The following PTPRG variants were observed in gnomAD, a reference collection of about 807,000 sequenced individuals.
PTPRG encodes the protein protein tyrosine phosphatase receptor type G.
In PTPRG, 102 loss-of-function variants were observed where a neutral mutation model predicts 165.3. That is an observed-to-expected ratio of 0.62 (90% CI 0.53 to 0.73). The LOEUF is 0.73. Ranked by LOEUF, PTPRG falls within the 30% of genes least tolerant of loss-of-function variation. PTPRG has a pLI of 0.00. For synonymous variants in PTPRG, 675 were observed against 669.5 expected (o/e 1.01, Z -0.13); for missense variants, 1,866 against 1,861.4 (o/e 1.00, Z -0.05).
chr3:61,965,681 A>G (rs927005233), intron 2 of PTPRG, among the ~76,000 whole-genome samples: 1 of 152,250 alleles, frequency 6.6e-6, no homozygotes, highest in Non-Finnish European at 1.5e-5. Flanking sequence ...TTGGGCAATA[A>G]TAATGGCTAA....
At chr3:61,923,918 C>T (rs140260206) in intron 2 of PTPRG, among the ~76,000 whole-genome samples, 10 of 152,040 alleles carry the variant, frequency 6.6e-5, no homozygotes, top group South Asian at 2.1e-4. Flanking sequence ...ATCAAGTAAA[C>T]GATTCATCTT....
At chr3:62,063,493 GTTAATA>G (rs559911179) in intron 4 of PTPRG, among the ~76,000 whole-genome samples, 24 of 152,310 alleles carry the variant, frequency 1.6e-4, no homozygotes, top group Admixed American at 9.8e-4. Flanking sequence ...GTCTGAGAGA[GTTAATA>G]TTAATACTTT....
chr3:61,586,957 C>T (rs758894272), intron 1 of PTPRG, among the ~76,000 whole-genome samples: 13 of 151,886 alleles, frequency 8.6e-5, no homozygotes, highest in Non-Finnish European at 1.8e-4. Flanking sequence ...AGGTGTGACT[C>T]ACCTGGTGGA....
intron 2 of PTPRG, among the ~76,000 whole-genome samples, chr3:61,933,808 C>T (rs2039419638): frequency 6.6e-6 from 1 of 152,200 alleles, no homozygotes. Flanking sequence ...GCCTTGTCTC[C>T]TCAATGATAC....
intron 6 of PTPRG, among the ~76,000 whole-genome samples, chr3:62,146,825 C>G (rs553303935): frequency 6.6e-6 from 1 of 152,282 alleles, no homozygotes; most frequent in African/African-American, 2.4e-5. Context: ...ACCAACAGAA[C>G]TTCATTTACA....
At chr3:61,833,067 T>TTGTGTGTGTGTGTGTGTGTGTGTG (rs113069211) in intron 2 of PTPRG, among the ~76,000 whole-genome samples, 3 of 146,792 alleles carry the variant, frequency 2.0e-5, no homozygotes, top group Admixed American at 6.7e-5. Flanking sequence ...TAGTATTCCA[T>TTGTGTGTGTGTGTGTGTGTGTGTG]TGTGTGTGTG....
chr3:61,672,339 A>G (rs1345137075), intron 1 of PTPRG, among the ~76,000 whole-genome samples: 1 of 144,256 alleles, frequency 6.9e-6, no homozygotes, highest in East Asian at 2.1e-4. Context: ...AGAGGCTGCA[A>G]TCTCGGCACT....
intron 2 of PTPRG, among the ~76,000 whole-genome samples, chr3:61,755,082 A>C (rs999523667): frequency 7.3e-5 from 11 of 151,152 alleles, no homozygotes; most frequent in Admixed American, 4.6e-4. Flanking sequence ...ATCTCAGCTC[A>C]CTGCAACCTC....
At chr3:61,851,804 C>T (rs771607006) in intron 2 of PTPRG, among the ~76,000 whole-genome samples, 7 of 152,122 alleles carry the variant, frequency 4.6e-5, no homozygotes, top group African/African-American at 1.4e-4. Context: ...TCAGTTTCTT[C>T]TCTTTGCCTT....
chr3:61,730,989 C>A (rs572048408), intron 1 of PTPRG, among the ~76,000 whole-genome samples: 1 of 152,316 alleles, frequency 6.6e-6, no homozygotes, highest in African/African-American at 2.4e-5. Flanking sequence ...CTGTGGGCCC[C>A]TTTAACTCAG....
chr3:61,665,046 A>G (rs1390561909), intron 1 of PTPRG, among the ~76,000 whole-genome samples: 1 of 152,096 alleles, frequency 6.6e-6, no homozygotes, highest in Non-Finnish European at 1.5e-5. Flanking sequence ...AGGAACCCTC[A>G]CAAGAGGATC....
intron 4 of PTPRG, among the ~76,000 whole-genome samples, chr3:62,022,566 G>A: frequency 6.6e-6 from 1 of 152,176 alleles, no homozygotes; most frequent in East Asian, 1.9e-4. Flanking sequence ...AGGGAACTGG[G>A]ATTTGAATAG....
intron 2 of PTPRG, among the ~76,000 whole-genome samples, chr3:61,958,191 A>G (rs1175424564): frequency 1.3e-5 from 2 of 151,582 alleles, no homozygotes; most frequent in Non-Finnish European, 2.9e-5. Context: ...CAGCGGTGCC[A>G]TCTTAGCTCA....
chr3:61,844,162 C>T (rs1344092380), intron 2 of PTPRG, among the ~76,000 whole-genome samples: 1 of 152,026 alleles, frequency 6.6e-6, no homozygotes, highest in Non-Finnish European at 1.5e-5. Context: ...TGGGGTTTCA[C>T]CATATTGTCC....
intron 15 of PTPRG, among the ~76,000 whole-genome samples, chr3:62,253,459 CTT>C (rs1013987804): frequency 6.6e-6 from 1 of 152,094 alleles, no homozygotes; most frequent in African/African-American, 2.4e-5. Flanking sequence ...CATTTTGCCT[CTT>C]GTTTGAAAAT....
At chr3:61,673,683 G>T (rs1358636401) in intron 1 of PTPRG, among the ~76,000 whole-genome samples, 1 of 151,998 alleles carries the variant, frequency 6.6e-6, no homozygotes, top group Non-Finnish European at 1.5e-5. Context: ...GGACTTTTAG[G>T]GTATCCACCA....
chr3:61,719,469 C>T (rs2031956472), intron 1 of PTPRG, among the ~76,000 whole-genome samples: 1 of 152,106 alleles, frequency 6.6e-6, no homozygotes, highest in Non-Finnish European at 1.5e-5. Flanking sequence ...TGACTCTTGG[C>T]TCTCCCGGGT....
At chr3:61,601,905 G>A (rs987424517) in intron 1 of PTPRG, among the ~76,000 whole-genome samples, 2 of 152,194 alleles carry the variant, frequency 1.3e-5, no homozygotes, top group Non-Finnish European at 2.9e-5. Flanking sequence ...AAAGTTAGGA[G>A]CAGAGGGAAC....
At chr3:61,835,043 T>C (rs897977314) in intron 2 of PTPRG, among the ~76,000 whole-genome samples, 3 of 152,166 alleles carry the variant, frequency 2.0e-5, no homozygotes, top group African/African-American at 4.8e-5. Context: ...TTCAGCTAGA[T>C]ATAGAAATAA....
Sources: allele counts gnomAD v4.1 joint callset (sites outside exome capture counted in the v4.1 genomes callset), GRCh38; gene constraint gnomAD v4.1.1; transcripts MANE v1.5; gene names NCBI Gene and HGNC (gene_info 2026-07-23, HGNC 2026-07-21).